RMC1: variants seen among roughly 807,000 people sequenced by gnomAD.
RMC1 encodes regulator of MON1-CCZ1 complex.
A neutral mutation model predicts 95.5 loss-of-function variants in RMC1; 44 were observed. The observed-to-expected ratio is 0.46, with a 90% CI of 0.36 to 0.59. The LOEUF (loss-of-function observed/expected upper bound fraction) is 0.59. RMC1 is among the 20% of genes least tolerant of loss of function. The pLI, the probability that RMC1 is intolerant of heterozygous loss-of-function variation, is 0.00. For missense variants in RMC1, 705 were observed against 819.6 expected (o/e 0.86, Z 1.71); for synonymous variants, 320 against 303.6 (o/e 1.05, Z -0.56).
intron 12 of RMC1, 89 bp from the exon 13 acceptor site, chr18:23,526,548 C>A: frequency 6.7e-7 from 1 of 1,499,704 alleles, no homozygotes; most frequent in Non-Finnish European, 9.0e-7. Flanking sequence ...CCACCTGCCA[C>A]CCGCCCCGCA....
intron 9 of RMC1, among the ~76,000 whole-genome samples, chr18:23,519,594 CAGATGG>C (rs1162292581): frequency 6.6e-6 from 1 of 152,058 alleles, no homozygotes; most frequent in African/African-American, 2.4e-5. Context: ...TTTGGTCTTC[CAGATGG>C]AAATGGGTTT....
intron 15 of RMC1, 112 bp downstream of exon 15, chr18:23,529,410 G>A (rs1270844462): frequency 6.9e-7 from 1 of 1,452,596 alleles, no homozygotes; most frequent in Non-Finnish European, 9.1e-7. Flanking sequence ...TAGAATCACT[G>A]GAGTTTCCTT....
At position 23,520,247 on chromosome 18, in the gene RMC1, T is replaced by G; in HGVS notation, c.895T>G (p.Ser299Ala). 2.5e-6 allele frequency: 4 copies of G among 1,614,098 alleles called. No homozygotes were observed. Among genetic ancestry groups the G allele is most frequent in the Non-Finnish European group, 3.4e-6 (4 of 1,180,018 alleles). The change falls in exon 10 of 20, where the codon TCC becomes GCC. Residue 299 changes from serine to alanine, a missense_variant. Coordinates refer to ENST00000269221, the MANE Select transcript of RMC1 (RefSeq NM_013326.5). ...DIKLRGEFDG[S>A]VTFHHPVLPA... The stretch of plus-strand genomic sequence containing the variant: ...CAAGTTACGGGGAGAGTTTGACGGC[T>G]CCGTTACCTTCCACCACCCCGTGCT...
At position 23,530,601 on chromosome 18, in the gene RMC1, A is replaced by G; in HGVS notation, c.1883A>G (p.Asn628Ser). Reference protein sequence around the residue: ...QRNQRLRGSPNFTPGEHCEEH... With the variant: ...QRNQRLRGSPSFTPGEHCEEH... ...AACCAGCGTTTGCGAGGGAGCCCCA[A>G]TTTCACACCAGGTGAGAATGCAATG... The change falls in exon 19 of 20, where the codon AAT (asparagine) becomes AGT (serine). Residue 628 changes from asparagine (N) to serine (S), a missense_variant. By Grantham distance (46) the Asn-to-Ser change is conservative. Transcript: ENST00000269221. The G allele has an allele frequency of 1.2e-6, 2 of 1,613,670 alleles. No homozygotes were observed. Among genetic ancestry groups the G allele is most frequent in the South Asian group, 1.1e-5 (1 of 91,060 alleles).
chr18:23,525,802 G>A (rs991558676), intron 12 of RMC1, among the ~76,000 whole-genome samples: 1 of 152,122 alleles, frequency 6.6e-6, no homozygotes, highest in Non-Finnish European at 1.5e-5. Flanking sequence ...GGTTATTAGA[G>A]AATCTCCTAT....
rs930458467 is a variant in RMC1 at position 23,507,946 on chromosome 18, A to G, written c.265-39A>G. On this transcript the variant is annotated intron_variant, in intron 3 of 19. Coordinates refer to ENST00000269221, the MANE Select transcript of RMC1 (RefSeq NM_013326.5). ...AACGTAGGTTGGCAGTATGCTGCCT[A>G]ATCCAAATTTGTGTGTGTCTGTGTG... 3.8e-6 allele frequency: 6 copies of G among 1,596,376 alleles called. No individual in the cohort carries two copies. The African/African-American group carries it at 8.1e-5, about 21-fold the overall frequency.
chr18:23,513,684 C>T (rs572980242), intron 5 of RMC1, among the ~76,000 whole-genome samples: 154 of 152,342 alleles, frequency 1.0e-3, no homozygotes, highest in South Asian at 1.0e-3. Flanking sequence ...CCCAGTTTCT[C>T]CATATCCTCA....
chr18:23,516,071 G>A, intron 6 of RMC1, 75 bp downstream of exon 6: 1 of 1,597,950 alleles, frequency 6.3e-7, no homozygotes, highest in South Asian at 1.1e-5. Context: ...TAATGTGTCA[G>A]GCACGTTAGG....
chr18:23,529,907 C>A, intron 16 of RMC1, 121 bp from the exon 17 acceptor site: 1 of 1,099,194 alleles, frequency 9.1e-7, no homozygotes, highest in Non-Finnish European at 1.3e-6. Context: ...ATGACGAAAC[C>A]ACTTCTTGTA....
At chr18:23,513,233 C>T (rs1023970952) in intron 5 of RMC1, among the ~76,000 whole-genome samples, 2 of 152,188 alleles carry the variant, frequency 1.3e-5, no homozygotes, top group Non-Finnish European at 2.9e-5. Flanking sequence ...GGATTACAGG[C>T]GTGAGCCACT....
intron 7 of RMC1, among the ~76,000 whole-genome samples, chr18:23,517,387 A>T (rs1017461344): frequency 6.6e-6 from 1 of 152,064 alleles, no homozygotes; most frequent in Admixed American, 6.5e-5. Flanking sequence ...TGACCTCTTG[A>T]TCTGCCCTCC....
At position 23,507,395 on chromosome 18, in the gene RMC1, T is replaced by C. The variant is rs192035312; in HGVS notation, c.264+341T>C. ...TCGCCTCAGTCTCCCTTAAAAATTGTTAAAAAATAATTTGGAACTTCATGT... is the reference window on the plus strand; with the variant it reads ...TCGCCTCAGTCTCCCTTAAAAATTGCTAAAAAATAATTTGGAACTTCATGT... On this transcript the variant is annotated intron_variant, in intron 3 of 19. Coordinates refer to ENST00000269221, the MANE Select transcript of RMC1 (RefSeq NM_013326.5). Among the ~76,000 whole-genome samples the C allele has an allele frequency of 9.7e-4, 147 of 152,220 alleles. 1 individual carries two copies. Among genetic ancestry groups the C allele is most frequent in the African/African-American group, 3.4e-3 (139 of 41,484 alleles).
chr18:23,520,488 C>G (rs914304926), intron 10 of RMC1, among the ~76,000 whole-genome samples, 175 bp downstream of exon 10: 4 of 152,198 alleles, frequency 2.6e-5, no homozygotes, highest in Admixed American at 6.5e-5. Flanking sequence ...TTGAGACAGT[C>G]TCACTGAGTC....
At chr18:23,527,731 T>C in intron 13 of RMC1, 64 bp from the exon 14 acceptor site, 1 of 1,283,500 alleles carries the variant, frequency 7.8e-7, no homozygotes, top group African/African-American at 1.5e-5. Flanking sequence ...CATAGCAACG[T>C]GTGGAAATTC....
At chr18:23,517,924 C>G (rs1036737654) in intron 7 of RMC1, among the ~76,000 whole-genome samples, 4 of 152,112 alleles carry the variant, frequency 2.6e-5, no homozygotes, top group Non-Finnish European at 5.9e-5. Context: ...CACCATGTTG[C>G]CCAGGCTGGT....
At chr18:23,508,187 G>A in intron 4 of RMC1, 146 bp downstream of exon 4, 1 of 664,016 alleles carries the variant, frequency 1.5e-6, no homozygotes, top group Non-Finnish European at 2.4e-6. Context: ...GAGTCAGGCG[G>A]GGTGTTTGCT....
At chr18:23,519,259 T>C (rs1416375928) in intron 9 of RMC1, 85 bp downstream of exon 9, 1 of 1,221,018 alleles carries the variant, frequency 8.2e-7, no homozygotes, top group Admixed American at 1.8e-5. Flanking sequence ...GGATCACGCC[T>C]GTAATCCCAG....
chr18:23,503,821 C>A (rs982944771), intron 1 of RMC1, 101 bp downstream of exon 1: 3 of 992,282 alleles, frequency 3.0e-6, no homozygotes, highest in Non-Finnish European at 4.1e-6. Flanking sequence ...CCCTCCTGTC[C>A]TGTCCCGTCC....
Position 23,519,489 on chromosome 18 carries a change from G to A in RMC1, c.849+315G>A, listed in dbSNP as rs1031228391. On this transcript the variant is annotated intron_variant, in intron 9 of 19. Coordinates refer to ENST00000269221, the MANE Select transcript of RMC1 (RefSeq NM_013326.5). ...GTGGAGATCGCGCCACTGCACTCCA[G>A]CCTGGGTGATGGAGCAAGATCCTGT... 5.3e-5 allele frequency among the ~76,000 whole-genome samples: 8 copies of A among 151,584 alleles called. No individual in the cohort carries two copies. The East Asian group carries it at 1.6e-3, about 29-fold the overall frequency.
Sources: allele counts gnomAD v4.1 joint callset (sites outside exome capture counted in the v4.1 genomes callset), GRCh38; gene constraint gnomAD v4.1.1; transcripts MANE v1.5; gene names NCBI Gene and HGNC (gene_info 2026-07-23, HGNC 2026-07-21).